Variants in GRM1 observed in about 807,000 individuals in gnomAD.
The protein encoded by GRM1 is glutamate metabotropic receptor 1, also known as metabotropic glutamate receptor 1.
Under a neutral mutation model 90.9 loss-of-function variants are expected in GRM1, and 33 were observed. The observed-to-expected ratio is 0.36, with a 90% CI of 0.28 to 0.49. The LOEUF is 0.49. Among genes scored for constraint, GRM1 ranks in the 20% least tolerant of loss-of-function variants. GRM1 has a pLI of 0.99. For synonymous variants in GRM1, 700 were observed against 613.2 expected, an observed-to-expected ratio of 1.14 and a Z score of -2.09; for missense variants, 1,190 against 1,534.3, an observed-to-expected ratio of 0.78 and a Z score of 3.75.
intron 7 of GRM1, among the ~76,000 whole-genome samples, chr6:146,433,194 T>C (rs1475301095): frequency 6.6e-6 from 1 of 152,216 alleles, no homozygotes; most frequent in Admixed American, 6.5e-5. Context: ...TGATCCACTG[T>C]ATGTGTGAGA....
intron 3 of GRM1, among the ~76,000 whole-genome samples, chr6:146,340,138 G>A (rs948862232): frequency 6.6e-6 from 1 of 152,150 alleles, no homozygotes; most frequent in Non-Finnish European, 1.5e-5. Context: ...ATCAATGCCA[G>A]GTATGTACTT....
Position 146,419,524 on chromosome 6 carries a change from G to A in GRM1, c.2661-14348G>A, listed in dbSNP as rs547240061. On this transcript the variant is annotated intron_variant, in intron 7 of 7. Transcript: ENST00000282753. The stretch of plus-strand genomic sequence containing the variant: ...TGCCAGTTCAGGGCACTATATGGAG[G>A]CTGAGTGTATTTGTTCATTCTCACA... 5.3e-5 allele frequency among the ~76,000 whole-genome samples: 8 copies of A among 152,216 alleles called. No individual in the cohort carries two copies. The South Asian group carries it at 1.7e-3, about 32-fold the overall frequency.
intron 3 of GRM1, among the ~76,000 whole-genome samples, chr6:146,333,964 G>C (rs936936080): frequency 2.6e-5 from 4 of 152,234 alleles, no homozygotes; most frequent in African/African-American, 9.6e-5. Context: ...GGAAAATAAA[G>C]GAAGTCCTAC....
upstream of GRM1, among the ~76,000 whole-genome samples, chr6:146,028,652 A>G (rs1582896436): frequency 6.6e-6 from 1 of 152,130 alleles, no homozygotes; most frequent in Non-Finnish European, 1.5e-5. Flanking sequence ...GCGTTGCCTT[A>G]GTAACTAATG....
intron 1 of GRM1, among the ~76,000 whole-genome samples, chr6:146,043,811 A>ATATATG: frequency 6.9e-6 from 1 of 145,614 alleles, no homozygotes. Context: ...ATATATATAT[A>ATATATG]AAGGGAAGTG....
chr6:146,425,165 T>C (rs1778151942), intron 7 of GRM1, among the ~76,000 whole-genome samples: 1 of 152,172 alleles, frequency 6.6e-6, no homozygotes, highest in Non-Finnish European at 1.5e-5. Context: ...CCAAACTTGA[T>C]GGAATTGTAC....
At chr6:146,136,124 TGGCTG>T (rs1394459624) in intron 1 of GRM1, among the ~76,000 whole-genome samples, 2 of 152,252 alleles carry the variant, frequency 1.3e-5, no homozygotes, top group Non-Finnish European at 1.5e-5. Context: ...ATTCTTGTTA[TGGCTG>T]AACAGTACTT....
chr6:146,304,341 T>C (rs1037498006), intron 2 of GRM1, among the ~76,000 whole-genome samples: 1 of 152,220 alleles, frequency 6.6e-6, no homozygotes, highest in African/African-American at 2.4e-5. Flanking sequence ...CAGAATCTGA[T>C]GACTAGTGAA....
intron 3 of GRM1, among the ~76,000 whole-genome samples, chr6:146,341,781 C>T (rs1396050965): frequency 6.6e-6 from 1 of 152,186 alleles, no homozygotes; most frequent in Non-Finnish European, 1.5e-5. Flanking sequence ...AAAGACCTAA[C>T]CCCAACGGTG....
chr6:146,317,807 C>G (rs1784029006), intron 3 of GRM1, among the ~76,000 whole-genome samples: 1 of 152,156 alleles, frequency 6.6e-6, no homozygotes, highest in Non-Finnish European at 1.5e-5. Flanking sequence ...CTTCCACTCA[C>G]ATTTCATTGA....
chr6:146,295,278 C>CAAT (rs1166384190), intron 2 of GRM1, among the ~76,000 whole-genome samples: 1 of 152,006 alleles, frequency 6.6e-6, no homozygotes, highest in Non-Finnish European at 1.5e-5. Flanking sequence ...CTGGAATGTG[C>CAAT]AATGGTATGA....
intron 1 of GRM1, among the ~76,000 whole-genome samples, chr6:146,116,460 T>A (rs1187434116): frequency 6.6e-6 from 1 of 152,188 alleles, no homozygotes; most frequent in Non-Finnish European, 1.5e-5. Flanking sequence ...CCCTATTTGG[T>A]AATTGAATAA....
At chr6:146,154,176 A>C (rs887557334) in intron 1 of GRM1, among the ~76,000 whole-genome samples, 1 of 152,156 alleles carries the variant, frequency 6.6e-6, no homozygotes, top group Admixed American at 6.5e-5. Context: ...AAGGAGCAAA[A>C]TCTTTTCTTT....
At chr6:146,087,720 T>C (rs543198602) in intron 1 of GRM1, among the ~76,000 whole-genome samples, 4 of 152,328 alleles carry the variant, frequency 2.6e-5, no homozygotes, top group Admixed American at 2.6e-4. Context: ...ACTGAAGTTT[T>C]TGAGTTGGCA....
chr6:146,167,261 T>G (rs1017545799), intron 2 of GRM1, among the ~76,000 whole-genome samples: 1 of 152,170 alleles, frequency 6.6e-6, no homozygotes, highest in Non-Finnish European at 1.5e-5. Flanking sequence ...GGCATAGATA[T>G]ATCTCAACTT....
At chr6:146,287,317 A>C (rs889265365) in intron 2 of GRM1, among the ~76,000 whole-genome samples, 2 of 152,164 alleles carry the variant, frequency 1.3e-5, no homozygotes, top group African/African-American at 4.8e-5. Context: ...GTCCTAGATA[A>C]GTCCTTCTCT....
intron 1 of GRM1, among the ~76,000 whole-genome samples, chr6:146,127,568 T>A (rs765782379): frequency 6.6e-6 from 1 of 152,156 alleles, no homozygotes; most frequent in African/African-American, 2.4e-5. Context: ...AGACCTACAA[T>A]GTAACAATGA....
At chr6:146,130,726 A>C (rs1776369974) in intron 1 of GRM1, among the ~76,000 whole-genome samples, 1 of 152,162 alleles carries the variant, frequency 6.6e-6, no homozygotes. Flanking sequence ...TTTTTGAGAA[A>C]TGCAATATTA....
chr6:146,172,216 C>T (rs1385739129), intron 2 of GRM1, among the ~76,000 whole-genome samples: 3 of 152,106 alleles, frequency 2.0e-5, no homozygotes, highest in African/African-American at 7.2e-5. Context: ...GCCTACATTC[C>T]TTGGATCACA....
Sources: allele counts gnomAD v4.1 joint callset (sites outside exome capture counted in the v4.1 genomes callset), GRCh38; gene constraint gnomAD v4.1.1; transcripts MANE v1.5; gene names NCBI Gene and HGNC (gene_info 2026-07-23, HGNC 2026-07-21).